The following ALG8 variants were observed in gnomAD, a reference collection of about 807,000 sequenced individuals.
ALG8 encodes dolichyl pyrophosphate Glc1Man9GlcNAc2 alpha-1,3-glucosyltransferase.
Under a neutral mutation model 70.2 loss-of-function variants are expected in ALG8, and 48 were observed. The ratio of observed to expected loss-of-function variants is 0.68; its 90% CI spans 0.54 to 0.87. The LOEUF is 0.87. Among genes scored for constraint, ALG8 ranks in the 40% least tolerant of loss-of-function variants. The pLI is 0.00. For synonymous variants in ALG8, 234 were observed against 229.0 expected, an observed-to-expected ratio of 1.02 and a Z score of -0.20; for missense variants, 572 against 608.7, an observed-to-expected ratio of 0.94 and a Z score of 0.64.
intron 7 of ALG8, among the ~76,000 whole-genome samples, chr11:78,113,508 T>C (rs1484524006): frequency 6.6e-6 from 1 of 151,994 alleles, no homozygotes; most frequent in Non-Finnish European, 1.5e-5. Flanking sequence ...AGGTCAGAAG[T>C]TCGAGTCCAG....
intron 2 of ALG8, 76 bp downstream of exon 2, chr11:78,127,282 A>G: frequency 7.3e-7 from 1 of 1,374,506 alleles, no homozygotes; most frequent in Non-Finnish European, 1.0e-6. Context: ...CAGCCAGAAA[A>G]CATTTTTAAT....
chr11:78,104,010 T>C lies in ALG8; in HGVS notation c.1319A>G (p.Tyr440Cys), dbSNP rs939861572. The C allele has an allele frequency of 1.3e-6, 2 of 1,504,720 alleles. No homozygotes were observed. The highest frequency in any genetic ancestry group is 1.8e-6 in the Non-Finnish European group (2 of 1,084,136). 93.2% of individuals were successfully genotyped at this position (1,504,720 alleles called of 1,614,324 possible). Residue 440 changes from tyrosine to cysteine, a missense_variant, in exon 12 of 13, where the codon TAT becomes TGT. Transcript: ENST00000299626. ...KILLMLLFTI[Y>C]SISSLKTLFR... ...TAAAGTCTTCAGTGACGAAATACTA[T>C]ATATGGTGAATAGTAACATGAGTAA...
chr11:78,129,732 TG>T (rs1242079352), intron 1 of ALG8, among the ~76,000 whole-genome samples: 1 of 152,244 alleles, frequency 6.6e-6, no homozygotes, highest in Admixed American at 6.5e-5. Context: ...CAGTGAAATT[TG>T]TGCTTGTATA....
intron 1 of ALG8, among the ~76,000 whole-genome samples, chr11:78,131,672 C>T (rs1296484460): frequency 4.6e-5 from 7 of 152,044 alleles, no homozygotes; most frequent in Admixed American, 4.6e-4. Context: ...CATTATGTTG[C>T]CCAGGCTGGT....
At chr11:78,104,187 G>T in intron 11 of ALG8, 135 bp from the exon 12 acceptor site, 1 of 901,722 alleles carries the variant, frequency 1.1e-6, no homozygotes, top group Non-Finnish European at 1.7e-6. Context: ...ACATTTTTGT[G>T]ACATCTAGAG....
At chr11:78,130,110 G>A (rs1004171521) in intron 1 of ALG8, among the ~76,000 whole-genome samples, 4 of 152,188 alleles carry the variant, frequency 2.6e-5, no homozygotes, top group Admixed American at 6.5e-5. Flanking sequence ...CCAACACTTC[G>A]GGAGGCCAAG....
At chr11:78,134,021 T>C (rs906374258) in intron 1 of ALG8, among the ~76,000 whole-genome samples, 1 of 152,218 alleles carries the variant, frequency 6.6e-6, no homozygotes, top group African/African-American at 2.4e-5. Context: ...CTAATGATCA[T>C]CTGCACCTTC....
At chr11:78,105,706 T>A (rs778889465) in intron 10 of ALG8, among the ~76,000 whole-genome samples, 110 of 72,020 alleles carry the variant, frequency 1.5e-3, no homozygotes, top group Middle Eastern at 0.015. Flanking sequence ...TTTAACTATC[T>A]TTTTTTTTTT....
At chr11:78,130,361 A>AAAAAAAAAAAAAAAAAAG (rs928560857) in intron 1 of ALG8, among the ~76,000 whole-genome samples, 55 of 132,696 alleles carry the variant, frequency 4.1e-4, no homozygotes, top group African/African-American at 1.5e-3. Flanking sequence ...AAAAAAAAAA[A>AAAAAAAAAAAAAAAAAAG]AAAAAAGGTG....
chr11:78,104,455 T>C lies in ALG8; in HGVS notation c.1179-2A>G. ...CCTGCTTTTCCCACAGACAAAAGGC[T>C]AAAAATAAAAATAATTTCTTAAAAC... is the stretch of plus-strand genomic sequence containing the variant. On this transcript the variant is annotated splice_acceptor_variant, in intron 10 of 12. Transcript: ENST00000299626. LOFTEE classifies it high-confidence loss of function. The C allele has an allele frequency of 3.2e-6, 5 of 1,567,610 alleles. No homozygotes were observed. Among genetic ancestry groups the C allele is most frequent in the Non-Finnish European group, 4.3e-6 (5 of 1,155,244 alleles).
At chr11:78,105,346 T>C (rs1859970737) in intron 10 of ALG8, among the ~76,000 whole-genome samples, 1 of 152,226 alleles carries the variant, frequency 6.6e-6, no homozygotes, top group Non-Finnish European at 1.5e-5. Flanking sequence ...GTTTCAACTA[T>C]GCCTAAACTG....
chr11:78,137,746 A>G (rs1861609241), intron 1 of ALG8: 1 of 152,256 alleles, frequency 6.6e-6, no homozygotes, highest in East Asian at 1.9e-4. Context: ...AAGCAATCAG[A>G]ATAGTAGTAT....
chr11:78,135,260 TAGG>T (rs1861490625), intron 1 of ALG8: 1 of 150,870 alleles, frequency 6.6e-6, no homozygotes, highest in African/African-American at 2.4e-5. Flanking sequence ...CAGGTTGAGG[TAGG>T]AGGATTGCTT....
At chr11:78,108,845 T>C (rs561490400) in intron 9 of ALG8, among the ~76,000 whole-genome samples, 1 of 152,320 alleles carries the variant, frequency 6.6e-6, no homozygotes, top group East Asian at 1.9e-4. Flanking sequence ...TCGATAGGAT[T>C]GAGTTGTTTA....
chr11:78,117,699 G>A (rs1386663282), intron 5 of ALG8, among the ~76,000 whole-genome samples: 2 of 151,696 alleles, frequency 1.3e-5, no homozygotes, highest in Non-Finnish European at 2.9e-5. Flanking sequence ...AATTGCTTGA[G>A]CCCAGGAGTT....
chr11:78,114,711 A>G lies in ALG8; in HGVS notation c.547-319T>C, dbSNP rs60666410. The G allele has an allele frequency of 3.4e-4, 150 of 436,322 alleles. 1 individual carries two copies. Among genetic ancestry groups the G allele is most frequent in the African/African-American group, 2.8e-3 (136 of 49,050 alleles). The allele number at this position is 436,322 out of a possible 1,614,324, so 27.0% of individuals were successfully genotyped here. On this transcript the variant is annotated intron_variant, in intron 5 of 12. Transcript: ENST00000299626. ...CTAAGTGTGGTGACTCACACCTGCA[A>G]TCCCAGCACTTTGGTAAGCCGACGT...
chr11:78,124,487 A>C (rs1860977022), intron 2 of ALG8, among the ~76,000 whole-genome samples: 1 of 152,218 alleles, frequency 6.6e-6, no homozygotes, highest in Non-Finnish European at 1.5e-5. Context: ...ATGCTGTTGC[A>C]CTTAAAATAT....
At chr11:78,139,357 A>T in intron 1 of ALG8, 137 bp downstream of exon 1, 1 of 877,460 alleles carries the variant, frequency 1.1e-6, no homozygotes, top group Non-Finnish European at 1.8e-6. Context: ...CGAAACAGAA[A>T]GCTTAGCAAA....
chr11:78,109,035 A>G (rs59107565), intron 9 of ALG8, among the ~76,000 whole-genome samples: 6,629 of 152,304 alleles, frequency 0.044, 519 homozygotes, highest in African/African-American at 0.15. Context: ...ATCACCATCA[A>G]GACAAAACAT....
Sources: gnomAD v4.1 joint callset for allele counts (sites outside exome capture counted in the v4.1 genomes callset) on GRCh38, gnomAD v4.1.1 for gene constraint, MANE v1.5 for transcripts, NCBI Gene and HGNC (gene_info 2026-07-23, HGNC 2026-07-21) for gene names.